The following GSDME variants were observed in gnomAD, a reference collection of about 807,000 sequenced individuals.
The protein encoded by GSDME is gasdermin E.
In GSDME, 44 loss-of-function variants were observed where a neutral mutation model predicts 47.5. That is an observed-to-expected ratio of 0.93 (90% CI 0.73 to 1.19). The LOEUF is 1.19. Ranked by LOEUF, GSDME falls within the 50% of genes most tolerant of loss-of-function variation. The probability of loss-of-function intolerance (pLI) is 0.00; values close to 1 mark genes in which losing one functional copy is unlikely to be tolerated. For missense variants in GSDME, 663 were observed against 604.2 expected, an observed-to-expected ratio of 1.10 and a Z score of -1.02; for synonymous variants, 258 against 252.8, an observed-to-expected ratio of 1.02 and a Z score of -0.20.
Position 24,756,418 on chromosome 7 carries a change from C to T in GSDME, c.-20+978G>A, listed in dbSNP as rs1465654780. 6.6e-6 allele frequency among the ~76,000 whole-genome samples: 1 copy of T among 152,112 alleles called. No individual in the cohort carries two copies. Among genetic ancestry groups the T allele is most frequent in the Non-Finnish European group, 1.5e-5 (1 of 68,022 alleles). On this transcript the variant is annotated intron_variant, in intron 1 of 9. Transcript: ENST00000645220. The surrounding 1 kb of genome is among the most constrained non-coding windows in gnomAD (Gnocchi z 4.2). ...GGCTAGGGGGTTGGGCCCTTTCTCT[C>T]TCAGATCTACCTAATGGTCTGGGCT...
the GSDME span, among the ~76,000 whole-genome samples, chr7:24,779,669 G>A: frequency 1.3e-5 from 2 of 152,178 alleles, no homozygotes; most frequent in Non-Finnish European, 2.9e-5. This position sits in a 1 kb window ranked among gnomAD's most constrained non-coding sequence, Gnocchi z 6.0. Flanking sequence ...AGCAGTTCTG[G>A]GGCGAGTGGA....
chr7:24,774,768 T>A, the GSDME span, among the ~76,000 whole-genome samples: 9 of 152,192 alleles, frequency 5.9e-5, no homozygotes, highest in South Asian at 1.9e-3. Flanking sequence ...CCTGACCTCA[T>A]GATTCGCCCA....
intron 3 of GSDME, among the ~76,000 whole-genome samples, chr7:24,722,567 G>A (rs1027449158): frequency 1.3e-5 from 2 of 152,114 alleles, no homozygotes; most frequent in African/African-American, 2.4e-5. Flanking sequence ...ACACATCACC[G>A]CCTGGTGACG....
the GSDME span, among the ~76,000 whole-genome samples, chr7:24,788,573 C>T: frequency 6.6e-6 from 1 of 152,174 alleles, no homozygotes; most frequent in Non-Finnish European, 1.5e-5. The surrounding 1 kb of genome is among the most constrained non-coding windows in gnomAD (Gnocchi z 4.6). Context: ...AAAAAGAAAT[C>T]CTTTACTGCT....
chr7:24,703,789 AATGTGT>A (rs1788981770), intron 8 of GSDME: 1 of 152,320 alleles, frequency 6.6e-6, no homozygotes, highest in Non-Finnish European at 1.5e-5. Flanking sequence ...GTGGTATTCA[AATGTGT>A]ATGCATTTGT....
chr7:24,707,876 TA>T, intron 7 of GSDME: 1 of 482,752 alleles, frequency 2.1e-6, no homozygotes, highest in South Asian at 2.8e-5. Context: ...GCTCCAAAAC[TA>T]TGAGAGAATA....
chr7:24,789,119 A>C, the GSDME span, among the ~76,000 whole-genome samples: 24 of 152,320 alleles, frequency 1.6e-4, no homozygotes, highest in Middle Eastern at 3.4e-3. Context: ...AATATATCAA[A>C]GGAAGCAAAT....
At position 24,744,952 on chromosome 7, in the gene GSDME, G is replaced by GTGTGTGTGTGT. The variant is rs397776076; in HGVS notation, c.212-199_212-198insACACACACACA. ...TGTGTGTGTGTGTGTGTGTGTGTGT[G>GTGTGTGTGTGT]GACCGCGGGCACACAGTGGACCAGT... On this transcript the variant is annotated intron_variant, in intron 2 of 9. Coordinates refer to ENST00000645220, the MANE Select transcript of GSDME (RefSeq NM_001127453.2). This position sits in a 1 kb window ranked among gnomAD's most constrained non-coding sequence, Gnocchi z 4.5. 6.9e-6 allele frequency among the ~76,000 whole-genome samples: 1 copy of GTGTGTGTGTGT among 145,208 alleles called. No homozygotes were observed. The highest frequency in any genetic ancestry group is 1.5e-5 in the Non-Finnish European group (1 of 65,632).
rs1789201921 is a variant in GSDME at position 24,708,258 on chromosome 7, T to G, written c.863-4A>C. On this transcript the variant is annotated splice_region_variant and splice_polypyrimidine_tract_variant and intron_variant, in intron 6 of 9. Coordinates refer to ENST00000645220, the MANE Select transcript of GSDME (RefSeq NM_001127453.2). ...TTCCTCTCCAGGAGCAGGGTCGCTG[T>G]GAAAACAAAGCACACCCAAGTCTCA... 2 of 1,613,978 alleles carry G rather than the reference T, an allele frequency of 1.2e-6. No homozygotes were observed. The highest frequency in any genetic ancestry group is 4.5e-5 in the East Asian group (2 of 44,876).
At chr7:24,758,282 G>C (rs141234843), upstream of GSDME, among the ~76,000 whole-genome samples, 231 of 152,368 alleles carry the variant, frequency 1.5e-3, 1 homozygote, top group African/African-American at 5.2e-3. This position sits in a 1 kb window ranked among gnomAD's most constrained non-coding sequence, Gnocchi z 4.6. Flanking sequence ...GGCTGCATTG[G>C]CATCACCTGG....
chr7:24,703,135 A>G (rs1432926502), intron 8 of GSDME: 2 of 368,812 alleles, frequency 5.4e-6, no homozygotes, highest in Admixed American at 7.4e-5. Flanking sequence ...ACAGCATGGA[A>G]AAGCAGACCC....
At chr7:24,707,527 GTAGTGGCCCACCAACA>G (rs1789163246) in intron 7 of GSDME, 3 of 424,628 alleles carry the variant, frequency 7.1e-6, no homozygotes, top group Admixed American at 2.8e-5. Flanking sequence ...AGTAGTCTGA[GTAGTGGCCCACCAACA>G]TATGTTACCT....
the GSDME span, among the ~76,000 whole-genome samples, chr7:24,782,437 A>G: frequency 5.9e-5 from 9 of 152,046 alleles, no homozygotes; most frequent in Non-Finnish European, 1.3e-4. Context: ...TGGTGTATAT[A>G]TGCCACATTT....
Position 24,757,002 on chromosome 7 carries a change from G to A in GSDME, c.-20+394C>T, listed in dbSNP as rs1354218725. On this transcript the variant is annotated intron_variant, in intron 1 of 9. Transcript: ENST00000645220. This position sits in a 1 kb window ranked among gnomAD's most constrained non-coding sequence, Gnocchi z 5.9. ...CTCCGCAGCACCCAGAGAAGAGACCGGAACACAAAGGATGAACGAATGGGG... is the reference window on the plus strand; with the variant it reads ...CTCCGCAGCACCCAGAGAAGAGACCAGAACACAAAGGATGAACGAATGGGG... 6.6e-6 allele frequency among the ~76,000 whole-genome samples: 1 copy of A among 152,044 alleles called. No individual in the cohort carries two copies. The highest frequency in any genetic ancestry group is 1.5e-5 in the Non-Finnish European group (1 of 67,990).
intron 5 of GSDME, among the ~76,000 whole-genome samples, chr7:24,710,955 C>T (rs1187651370): frequency 6.6e-6 from 1 of 152,192 alleles, no homozygotes; most frequent in Non-Finnish European, 1.5e-5. Context: ...AATACATTCT[C>T]TCTGAATCTG....
the GSDME span, among the ~76,000 whole-genome samples, chr7:24,781,044 G>A: frequency 1.3e-5 from 2 of 152,194 alleles, no homozygotes; most frequent in African/African-American, 4.8e-5. Context: ...GCACACATTG[G>A]TCTAGTGATG....
chr7:24,749,737 A>G lies in GSDME; in HGVS notation c.38T>C (p.Val13Ala), dbSNP rs147046234. ...AKATRNFLRE[V>A]DADGDLIAVS... ...TGCAATCAGGTCACCATCAGCATCAACTTCTCTAAGAAAATTCCTGGTTGC... is the reference window on the plus strand; with the variant it reads ...TGCAATCAGGTCACCATCAGCATCAGCTTCTCTAAGAAAATTCCTGGTTGC... The change falls in exon 2 of 10, where the codon GTT (valine) becomes GCT (alanine). Residue 13 changes from valine to alanine, a missense_variant. Val to Ala is a moderately conservative substitution (Grantham distance 64). Coordinates refer to ENST00000645220, the MANE Select transcript of GSDME (RefSeq NM_001127453.2). The G allele has an allele frequency of 6.2e-7, 1 of 1,614,172 alleles. No individual in the cohort carries two copies. The highest frequency in any genetic ancestry group is 8.5e-7 in the Non-Finnish European group (1 of 1,180,030).
chr7:24,709,656 A>G (rs1014376476), intron 6 of GSDME, among the ~76,000 whole-genome samples: 1 of 152,090 alleles, frequency 6.6e-6, no homozygotes, highest in African/African-American at 2.4e-5. Flanking sequence ...ATCCCCGACA[A>G]AAGAAACCAG....
At chr7:24,785,554 C>T in the GSDME span, among the ~76,000 whole-genome samples, 1 of 152,190 alleles carries the variant, frequency 6.6e-6, no homozygotes, top group Non-Finnish European at 1.5e-5. Context: ...CTCATGGGTT[C>T]AAGCGATTCC....
Sources: allele counts gnomAD v4.1 joint callset (sites outside exome capture counted in the v4.1 genomes callset), GRCh38; gene constraint gnomAD v4.1.1; non-coding constraint Gnocchi (gnomAD v3.1); transcripts MANE v1.5; gene names NCBI Gene and HGNC (gene_info 2026-07-23, HGNC 2026-07-21).